The following PHGDH variants were observed in gnomAD, a reference collection of about 807,000 sequenced individuals.
PHGDH encodes the protein D-3-phosphoglycerate dehydrogenase.
In PHGDH, 50 loss-of-function variants were observed where a neutral mutation model predicts 52.6. The ratio of observed to expected loss-of-function variants is 0.95; its 90% CI spans 0.76 to 1.20. PHGDH has a LOEUF of 1.20. Ranked by LOEUF, PHGDH falls within the 50% of genes most tolerant of loss-of-function variation. The pLI is 0.00. For synonymous variants in PHGDH, 271 were observed against 280.5 expected, an observed-to-expected ratio of 0.97 and a Z score of 0.34; for missense variants, 630 against 684.6, an observed-to-expected ratio of 0.92 and a Z score of 0.89.
intron 8 of PHGDH, among the ~76,000 whole-genome samples, chr1:119,739,291 T>C (rs1652082810): frequency 6.6e-6 from 1 of 152,194 alleles, no homozygotes; most frequent in Admixed American, 6.5e-5. Context: ...GCCCTCTTAG[T>C]TGGACTTTCC....
chr1:119,732,650 C>G (rs1444628827), intron 5 of PHGDH, among the ~76,000 whole-genome samples: 1 of 152,216 alleles, frequency 6.6e-6, no homozygotes, highest in Non-Finnish European at 1.5e-5. Flanking sequence ...GATTCCTTCC[C>G]TGCAGTCATC....
chr1:119,729,686 C>G (rs943275582), intron 5 of PHGDH: 1 of 152,178 alleles, frequency 6.6e-6, no homozygotes, highest in Non-Finnish European at 1.5e-5. Flanking sequence ...TGGGATGCTT[C>G]CAAGAGGTGC....
chr1:119,741,719 T>C, intron 9 of PHGDH, 48 bp from the exon 10 acceptor site: 1 of 1,586,778 alleles, frequency 6.3e-7, no homozygotes, highest in Non-Finnish European at 8.7e-7. Context: ...CCCCCTCCTG[T>C]AGTGCTCAAC....
In PHGDH at chr1:119,721,191, C is replaced by T. The variant is rs779687118; in HGVS notation, c.160C>T (p.Arg54Cys). 22 of 1,614,022 alleles carry T rather than the reference C, an allele frequency of 1.4e-5. No individual in the cohort carries two copies. Among genetic ancestry groups the T allele is most frequent in the Admixed American group, 6.7e-5 (4 of 60,002 alleles). The change falls in exon 2 of 12, where the codon CGC becomes TGC. Residue 54 changes from arginine (R) to cysteine (C), a missense_variant. By Grantham distance (180) the Arg-to-Cys change is radical. Coordinates refer to ENST00000641023, the MANE Select transcript of PHGDH (RefSeq NM_006623.4). ...TCAGGACTGTGAAGGCCTTATTGTT[C>T]GCTCTGCCACCAAGGTGACCGCTGA... ...ELQDCEGLIV[R>C]SATKVTADVI...
intron 3 of PHGDH, 144 bp from the exon 4 acceptor site, chr1:119,726,707 A>G (rs1651436339): frequency 1.4e-6 from 1 of 723,044 alleles, no homozygotes; most frequent in African/African-American, 1.7e-5. Context: ...ATCCCCCATC[A>G]GTGTTCCTAA....
chr1:119,713,806 A>G (rs1029129291), intron 1 of PHGDH, among the ~76,000 whole-genome samples: 1 of 152,132 alleles, frequency 6.6e-6, no homozygotes, highest in African/African-American at 2.4e-5. Flanking sequence ...GTGGCAATCA[A>G]GTGCTTTCAC....
At chr1:119,735,208 C>G in intron 6 of PHGDH, 87 bp from the exon 7 acceptor site, 2 of 1,566,800 alleles carry the variant, frequency 1.3e-6, no homozygotes, top group Admixed American at 1.7e-5. Context: ...AGAGCTGGCT[C>G]AAGGAAAGGG....
intron 5 of PHGDH, among the ~76,000 whole-genome samples, chr1:119,728,663 G>A (rs1651557554): frequency 6.6e-6 from 1 of 152,098 alleles, no homozygotes; most frequent in Admixed American, 6.5e-5. Context: ...AAATGAGAGA[G>A]GCAATTCAGC....
chr1:119,726,888 A>C lies in PHGDH; in HGVS notation c.394A>C (p.Lys132Gln). ...PQATASMKDG[K>Q]WERKKFMGTE... ...GGCGACGGCTTCGATGAAGGACGGC[A>C]AATGGGAGCGGAAGAAGGTGAGCAG... The change falls in exon 4 of 12, where the codon AAA (lysine) becomes CAA (glutamine). Residue 132 changes from lysine (K) to glutamine (Q), a missense_variant. Transcript: ENST00000641023. 6.2e-7 allele frequency: 1 copy of C among 1,614,198 alleles called. No homozygotes were observed. The highest frequency in any genetic ancestry group is 8.5e-7 in the Non-Finnish European group (1 of 1,180,006).
intron 3 of PHGDH, among the ~76,000 whole-genome samples, chr1:119,725,548 T>G (rs866692128): frequency 1.3e-5 from 2 of 152,198 alleles, no homozygotes; most frequent in African/African-American, 4.8e-5. Flanking sequence ...GAATGCAGCT[T>G]GTCCCCCATG....
Position 119,735,275 on chromosome 1 carries a change from G to A in PHGDH, c.644-20G>A, listed in dbSNP as rs763941984. ...GATCCTGGTGCTGCCCCAGCAGGAAGATGCTTCGCTTTCTTCCAGGCTTGC... is the reference window on the plus strand; with the variant it reads ...GATCCTGGTGCTGCCCCAGCAGGAAAATGCTTCGCTTTCTTCCAGGCTTGC... On this transcript the variant is annotated intron_variant, in intron 6 of 11. Coordinates refer to ENST00000641023, the MANE Select transcript of PHGDH (RefSeq NM_006623.4). 7 of 1,614,014 alleles carry A rather than the reference G, an allele frequency of 4.3e-6. No homozygotes were observed. The highest frequency in any genetic ancestry group is 5.9e-6 in the Non-Finnish European group (7 of 1,180,034).
At chr1:119,715,040 C>A (rs893562264) in intron 1 of PHGDH, among the ~76,000 whole-genome samples, 1 of 152,084 alleles carries the variant, frequency 6.6e-6, no homozygotes, top group African/African-American at 2.4e-5. Flanking sequence ...CCTAATATGC[C>A]GGAAAATATT....
At chr1:119,736,515 T>A (rs1457567731) in intron 7 of PHGDH, among the ~76,000 whole-genome samples, 1 of 152,164 alleles carries the variant, frequency 6.6e-6, no homozygotes, top group Non-Finnish European at 1.5e-5. Context: ...AGGGCAATCT[T>A]CTCAGTGAGC....
In PHGDH at chr1:119,743,026, A is replaced by G. The variant is rs1249140637; in HGVS notation, c.1429A>G (p.Met477Val). The change falls in exon 11 of 12, where the codon ATG becomes GTG. Residue 477 changes from methionine to valine, a missense_variant. Coordinates refer to ENST00000641023, the MANE Select transcript of PHGDH (RefSeq NM_006623.4). ...LFRTQTSDPA[M>V]LPTMIGLLAE... ...CCGGACTCAGACCTCTGACCCTGCAATGCTGCCTACCATGATTGGTGAGGA... is the reference window on the plus strand; with the variant it reads ...CCGGACTCAGACCTCTGACCCTGCAGTGCTGCCTACCATGATTGGTGAGGA... The G allele has an allele frequency of 1.2e-6, 2 of 1,610,744 alleles. No homozygotes were observed. The highest frequency in any genetic ancestry group is 8.5e-7 in the Non-Finnish European group (1 of 1,176,828).
intron 1 of PHGDH, among the ~76,000 whole-genome samples, chr1:119,717,231 T>TAAAAAA (rs1165824450): frequency 1.7e-4 from 1 of 5,722 alleles, no homozygotes; most frequent in African/African-American, 1.6e-3. Context: ...AAACTCTGTC[T>TAAAAAA]CAAAAAAAAA....
At chr1:119,732,168 G>A (rs587652235) in intron 5 of PHGDH, among the ~76,000 whole-genome samples, 4 of 152,298 alleles carry the variant, frequency 2.6e-5, no homozygotes, top group African/African-American at 9.6e-5. Flanking sequence ...TCTTTAACTG[G>A]GAGGCCTCCT....
At chr1:119,723,786 G>T (rs1343870652) in intron 3 of PHGDH, among the ~76,000 whole-genome samples, 1 of 151,714 alleles carries the variant, frequency 6.6e-6, no homozygotes, top group African/African-American at 2.4e-5. Flanking sequence ...AGCAGGGTAT[G>T]GACAGTGTCT....
chr1:119,714,209 G>A (rs1650821353), intron 1 of PHGDH, among the ~76,000 whole-genome samples: 1 of 152,140 alleles, frequency 6.6e-6, no homozygotes, highest in South Asian at 2.1e-4. Flanking sequence ...CTGGCATAGT[G>A]TCTCCTGCCC....
At position 119,744,163 on chromosome 1, in the gene PHGDH, C is replaced by A. The variant is rs1652340124; in HGVS notation, c.*123C>A. On this transcript the variant is annotated 3_prime_UTR_variant, in exon 12 of 12. Coordinates refer to ENST00000641023, the MANE Select transcript of PHGDH (RefSeq NM_006623.4). Reference sequence around the variant, plus strand: ...CGGGCCTCTGACACTGCTTACACTGCACTCTGACCCTGTAGTACAGCAATA... The same window carrying A: ...CGGGCCTCTGACACTGCTTACACTGAACTCTGACCCTGTAGTACAGCAATA... 1.2e-6 allele frequency: 1 copy of A among 850,110 alleles called. No individual in the cohort carries two copies. Among genetic ancestry groups the A allele is most frequent in the South Asian group, 1.3e-5 (1 of 74,126 alleles). The allele number at this position is 850,110 out of a possible 1,614,324, so 52.7% of individuals were successfully genotyped here.
Sources: gnomAD v4.1 joint callset for allele counts (sites outside exome capture counted in the v4.1 genomes callset) on GRCh38, gnomAD v4.1.1 for gene constraint, MANE v1.5 for transcripts, NCBI Gene and HGNC (gene_info 2026-07-23, HGNC 2026-07-21) for gene names.